FSTL4: variants seen among roughly 807,000 people sequenced by gnomAD.
FSTL4 encodes the protein follistatin-related protein 4.
A neutral mutation model predicts 78.2 loss-of-function variants in FSTL4; 28 were observed. The ratio of observed to expected loss-of-function variants is 0.36; its 90% confidence interval spans 0.27 to 0.49. The LOEUF is 0.49. FSTL4 is among the 20% of genes least tolerant of loss of function. FSTL4 has a pLI of 0.98. For synonymous variants in FSTL4, 422 were observed against 440.5 expected, an observed-to-expected ratio of 0.96 and a Z score of 0.53; for missense variants, 922 against 1,084.9, an observed-to-expected ratio of 0.85 and a Z score of 2.11.
At chr5:133,464,852 A>G (rs187109914) in intron 3 of FSTL4, among the ~76,000 whole-genome samples, 75 of 152,304 alleles carry the variant, frequency 4.9e-4, no homozygotes, top group Non-Finnish European at 4.6e-4. Flanking sequence ...CTCAACTAGT[A>G]ATTTAAGTGG....
the FSTL4 span, among the ~76,000 whole-genome samples, chr5:133,835,779 G>A: frequency 6.6e-6 from 1 of 152,132 alleles, no homozygotes; most frequent in Non-Finnish European, 1.5e-5. Flanking sequence ...AGAAAAAGTT[G>A]GGAAAACTCT....
In FSTL4 at chr5:133,500,027, G is replaced by A. The variant is rs181923640; in HGVS notation, c.160+67159C>T. Among the ~76,000 whole-genome samples the A allele has an allele frequency of 8.5e-5, 13 of 152,216 alleles. 1 individual carries two copies. Among genetic ancestry groups the A allele is most frequent in the Admixed American group, 7.8e-4 (12 of 15,290 alleles). ...GGAAAAGGCTGGGGATGTATAGGGC[G>A]CTTCATAAACACTTAGAGCATTGAA... On this transcript the variant is annotated intron_variant, in intron 3 of 15. Coordinates refer to ENST00000265342, the MANE Select transcript of FSTL4 (RefSeq NM_015082.2).
chr5:133,731,792 G>A, the FSTL4 span, among the ~76,000 whole-genome samples: 1 of 152,228 alleles, frequency 6.6e-6, no homozygotes, highest in Non-Finnish European at 1.5e-5. Flanking sequence ...AGAGGAAGCA[G>A]ACAGACACTG....
the FSTL4 span, among the ~76,000 whole-genome samples, chr5:133,825,869 C>A: frequency 1.8e-4 from 27 of 152,240 alleles, no homozygotes; most frequent in African/African-American, 4.8e-5. Context: ...GCTGTCTCCC[C>A]CTGTGCTCAG....
At chr5:133,624,055 A>G in the FSTL4 span, among the ~76,000 whole-genome samples, 3 of 152,002 alleles carry the variant, frequency 2.0e-5, no homozygotes, top group Admixed American at 6.6e-5. Flanking sequence ...GGGTCCTTAA[A>G]AGTTAAACAT....
At chr5:133,759,774 C>T in the FSTL4 span, among the ~76,000 whole-genome samples, 1 of 152,204 alleles carries the variant, frequency 6.6e-6, no homozygotes, top group African/African-American at 2.4e-5. Flanking sequence ...TGTTGGATGC[C>T]ACATGAACTA....
chr5:133,746,114 C>A, the FSTL4 span, among the ~76,000 whole-genome samples: 1 of 152,174 alleles, frequency 6.6e-6, no homozygotes, highest in Non-Finnish European at 1.5e-5. Context: ...ATTAAGGACT[C>A]CACTCAGTTG....
chr5:133,422,557 A>G (rs560418374), intron 3 of FSTL4, among the ~76,000 whole-genome samples: 38 of 144,392 alleles, frequency 2.6e-4, no homozygotes, highest in Non-Finnish European at 4.4e-4. Context: ...CAGGTTTGGA[A>G]GGAAAAAAAA....
chr5:133,267,949 C>G (rs1273790194), intron 6 of FSTL4, among the ~76,000 whole-genome samples: 1 of 152,182 alleles, frequency 6.6e-6, no homozygotes, highest in African/African-American at 2.4e-5. Context: ...CATTGAGGAG[C>G]TGTGTCTGCC....
At chr5:133,348,506 TG>T (rs1482114081) in intron 4 of FSTL4, among the ~76,000 whole-genome samples, 1 of 152,162 alleles carries the variant, frequency 6.6e-6, no homozygotes, top group East Asian at 1.9e-4. Flanking sequence ...CCATAGGAGT[TG>T]GTGGGGGTCC....
At chr5:133,351,784 T>G (rs1030805044) in intron 4 of FSTL4, among the ~76,000 whole-genome samples, 1 of 152,030 alleles carries the variant, frequency 6.6e-6, no homozygotes, top group African/African-American at 2.4e-5. Context: ...GTTTTTTTAT[T>G]TTTAGTAGAG....
At chr5:133,441,864 C>G (rs151207145) in intron 3 of FSTL4, among the ~76,000 whole-genome samples, 4 of 152,302 alleles carry the variant, frequency 2.6e-5, no homozygotes, top group Non-Finnish European at 5.9e-5. Context: ...TTAGTCCAGG[C>G]TGGCAGGGCC....
chr5:133,713,691 G>C, the FSTL4 span, among the ~76,000 whole-genome samples: 1 of 152,162 alleles, frequency 6.6e-6, no homozygotes, highest in African/African-American at 2.4e-5. Context: ...CAAGCCACTG[G>C]GTCCTGGGTG....
At chr5:133,262,381 C>T (rs768390293) in intron 6 of FSTL4, among the ~76,000 whole-genome samples, 1 of 152,188 alleles carries the variant, frequency 6.6e-6, no homozygotes, top group Non-Finnish European at 1.5e-5. Flanking sequence ...CCTGAAAAGA[C>T]CTTTTCACCT....
chr5:133,837,146 C>G, the FSTL4 span, among the ~76,000 whole-genome samples: 2 of 151,968 alleles, frequency 1.3e-5, no homozygotes, highest in South Asian at 2.1e-4. Context: ...GTCTTTTAAA[C>G]TGGAAGTTTT....
the FSTL4 span, among the ~76,000 whole-genome samples, chr5:133,673,236 A>C: frequency 1.3e-5 from 2 of 152,194 alleles, no homozygotes; most frequent in African/African-American, 4.8e-5. Flanking sequence ...TGGGGGCCCA[A>C]GGTATTTTCC....
At chr5:133,211,176 C>T (rs1435472775) in intron 13 of FSTL4, among the ~76,000 whole-genome samples, 2 of 152,226 alleles carry the variant, frequency 1.3e-5, no homozygotes, top group African/African-American at 4.8e-5. Flanking sequence ...CTGCTATCCC[C>T]TGATGATATA....
intron 6 of FSTL4, among the ~76,000 whole-genome samples, chr5:133,267,872 G>A (rs995437659): frequency 6.6e-6 from 1 of 152,140 alleles, no homozygotes; most frequent in Admixed American, 6.5e-5. Context: ...GCTTGGCTGG[G>A]GCAAGAAGGG....
At chr5:133,319,675 C>T (rs1052238355) in intron 4 of FSTL4, among the ~76,000 whole-genome samples, 8 of 152,276 alleles carry the variant, frequency 5.3e-5, no homozygotes, top group East Asian at 3.9e-4. Context: ...TGTGTGGCAC[C>T]GTACATCATG....
Sources: gnomAD v4.1 joint callset for allele counts (sites outside exome capture counted in the v4.1 genomes callset) on GRCh38, gnomAD v4.1.1 for gene constraint, MANE v1.5 for transcripts, NCBI Gene and HGNC (gene_info 2026-07-23, HGNC 2026-07-21) for gene names.